SYNJ2: variants seen among roughly 807,000 people sequenced by gnomAD.
SYNJ2 encodes polyphosphatidylinositol phosphatase SYNJ2.
A neutral mutation model predicts 141.3 loss-of-function variants in SYNJ2; 116 were observed. That is an observed-to-expected ratio of 0.82 (90% CI 0.71 to 0.96). The LOEUF (loss-of-function observed/expected upper bound fraction) is 0.96, where lower values mean the gene tolerates loss of function less well. Among genes scored for constraint, SYNJ2 ranks in the 40% least tolerant of loss-of-function variants. The probability of loss-of-function intolerance (pLI) is 0.00; values close to 1 mark genes in which losing one functional copy is unlikely to be tolerated. For synonymous variants in SYNJ2, 745 were observed against 777.7 expected, an observed-to-expected ratio of 0.96 and a Z score of 0.70; for missense variants, 1,873 against 1,934.8, an observed-to-expected ratio of 0.97 and a Z score of 0.60.
chr6:158,082,003 T>C (rs1338016493), intron 20 of SYNJ2, among the ~76,000 whole-genome samples: 1 of 152,124 alleles, frequency 6.6e-6, no homozygotes, highest in East Asian at 1.9e-4. Flanking sequence ...GAGTTTGGAT[T>C]CTTCACTCTG....
chr6:158,083,956 C>G lies in SYNJ2; in HGVS notation c.3035-45C>G, dbSNP rs371651219. ...CACTGATGGAAGACTGAGCCTTTCC[C>G]CCTCATTGTTTTCACCCGAATTGTG... is the stretch of plus-strand genomic sequence containing the variant. On this transcript the variant is annotated intron_variant, in intron 21 of 26. Transcript: ENST00000355585. 1.6e-5 allele frequency: 25 copies of G among 1,601,796 alleles called. No homozygotes were observed. The African/African-American group carries it at 3.1e-4, about 20-fold the overall frequency.
chr6:157,990,198 G>T (rs1777369194), intron 1 of SYNJ2, among the ~76,000 whole-genome samples: 1 of 152,248 alleles, frequency 6.6e-6, no homozygotes, highest in African/African-American at 2.4e-5. Flanking sequence ...CAGGCCGCAG[G>T]AGGTGGGATC....
intron 2 of SYNJ2, chr6:158,028,390 T>G (rs1583349624): frequency 4.2e-6 from 1 of 240,586 alleles, no homozygotes; most frequent in Non-Finnish European, 8.2e-6. Flanking sequence ...GTCCTGGGGG[T>G]CTGGAAGGGC....
intron 7 of SYNJ2, among the ~76,000 whole-genome samples, chr6:158,060,157 C>T (rs920817281): frequency 2.6e-5 from 4 of 152,202 alleles, no homozygotes; most frequent in African/African-American, 4.8e-5. Context: ...CCCTCTTCCT[C>T]GGGCTTTCAT....
At chr6:158,095,468 T>C (rs1783740643) in intron 26 of SYNJ2, 150 bp from the exon 27 acceptor site, 2 of 1,033,322 alleles carry the variant, frequency 1.9e-6, no homozygotes, top group Non-Finnish European at 2.7e-6. Flanking sequence ...CCTGGTCACA[T>C]TTCTGGCACC....
At chr6:157,993,005 T>C (rs1474662416) in intron 1 of SYNJ2, among the ~76,000 whole-genome samples, 1 of 152,066 alleles carries the variant, frequency 6.6e-6, no homozygotes, top group Non-Finnish European at 1.5e-5. Flanking sequence ...TTTTAGTTTT[T>C]TGAGGAACCT....
chr6:158,068,580 G>GC (rs1562378174), intron 12 of SYNJ2, 67 bp from the exon 13 acceptor site: 15 of 1,571,416 alleles, frequency 9.5e-6, no homozygotes, highest in Non-Finnish European at 1.2e-5. Context: ...GCACTGGGGA[G>GC]CCCCATGAAC....
intron 1 of SYNJ2, among the ~76,000 whole-genome samples, chr6:158,015,361 C>CA (rs1204238615): frequency 6.6e-6 from 1 of 152,214 alleles, no homozygotes; most frequent in Non-Finnish European, 1.5e-5. Flanking sequence ...TTCTTACCTC[C>CA]ATGATGATGT....
In SYNJ2 at chr6:158,070,142, G is replaced by A. The variant is rs940555886; in HGVS notation, c.1940+469G>A. The A allele has an allele frequency of 3.0e-6, 3 of 985,646 alleles. No homozygotes were observed. Among genetic ancestry groups the A allele is most frequent in the African/African-American group, 1.7e-5 (1 of 57,236 alleles). 61.1% of individuals were successfully genotyped at this position (985,646 alleles called of 1,614,324 possible). A position where few individuals can be genotyped will look rare whatever the true frequency, so the allele number is the denominator to read the frequency against. ...GCTTTGTGAGCATCAGAAAGGGGGC[G>A]AGCTTAGGGGCGGCATTCCTCTTGG... On this transcript the variant is annotated intron_variant, in intron 14 of 26. Coordinates refer to ENST00000355585, the MANE Select transcript of SYNJ2 (RefSeq NM_003898.4). This position sits in a 1 kb window ranked among gnomAD's most constrained non-coding sequence, Gnocchi z 4.0.
At chr6:158,077,120 T>A (rs1260696826) in intron 17 of SYNJ2, among the ~76,000 whole-genome samples, 1 of 152,044 alleles carries the variant, frequency 6.6e-6, no homozygotes, top group Admixed American at 6.6e-5. Flanking sequence ...CTCAGCCTCC[T>A]GAGTGCTGGG....
At chr6:158,063,243 C>T (rs955062727) in intron 8 of SYNJ2, among the ~76,000 whole-genome samples, 2 of 152,120 alleles carry the variant, frequency 1.3e-5, no homozygotes, top group Non-Finnish European at 2.9e-5. Flanking sequence ...ACCAGCTAAA[C>T]GTAAAACGAC....
At position 158,089,897 on chromosome 6, in the gene SYNJ2, A is replaced by G. The variant is rs1024305321; in HGVS notation, c.3515A>G (p.Asn1172Ser). Reference protein sequence around the residue: ...PYNVKQIKTTNAQEAEAAIRC... With the variant: ...PYNVKQIKTTSAQEAEAAIRC... ...AATGTCAAGCAGATCAAAACCACCA[A>G]TGCCCAGGAGGCAGAAGCAGCAATC... is the stretch of plus-strand genomic sequence containing the variant. The change falls in exon 25 of 27, where the codon AAT (asparagine) becomes AGT (serine). Residue 1172 changes from asparagine to serine, a missense_variant. Physicochemically the swap from Asn to Ser is conservative, Grantham distance 46. Transcript: ENST00000355585. 6.8e-6 allele frequency: 11 copies of G among 1,614,028 alleles called. No homozygotes were observed. The highest frequency in any genetic ancestry group is 1.1e-5 in the South Asian group (1 of 91,082).
chr6:158,070,904 T>C lies in SYNJ2; in HGVS notation c.1941-698T>C, dbSNP rs1781879748. On this transcript the variant is annotated intron_variant, in intron 14 of 26. Transcript: ENST00000355585. This position sits in a 1 kb window ranked among gnomAD's most constrained non-coding sequence, Gnocchi z 4.0. ...CTAGCTCTTAAAGTGCATTGATTGC[T>C]GGGCACGGTGTCTCACGCCTGTAAT... is the stretch of plus-strand genomic sequence containing the variant. Among the ~76,000 whole-genome samples the C allele has an allele frequency of 6.6e-6, 1 of 152,174 alleles. No homozygotes were observed. Among genetic ancestry groups the C allele is most frequent in the Non-Finnish European group, 1.5e-5 (1 of 68,012 alleles).
At chr6:158,017,952 C>T (rs907955771) in intron 2 of SYNJ2, among the ~76,000 whole-genome samples, 1 of 152,106 alleles carries the variant, frequency 6.6e-6, no homozygotes, top group African/African-American at 2.4e-5. Flanking sequence ...GGGCATTGTC[C>T]GCAGTACTCT....
intron 2 of SYNJ2, 114 bp downstream of exon 2, chr6:158,017,404 T>TA: frequency 6.0e-5 from 57 of 945,922 alleles, no homozygotes; most frequent in Non-Finnish European, 7.3e-5. Context: ...CTCTCTCTCT[T>TA]CTTTTTTTTT....
At chr6:158,003,034 C>A (rs1777918868) in intron 1 of SYNJ2, among the ~76,000 whole-genome samples, 3 of 152,216 alleles carry the variant, frequency 2.0e-5, no homozygotes, top group Admixed American at 2.0e-4. Context: ...GTGGAAAGTG[C>A]TGGGAAAGGG....
chr6:157,984,198 A>T (rs1305190875), intron 1 of SYNJ2, among the ~76,000 whole-genome samples: 2 of 152,244 alleles, frequency 1.3e-5, no homozygotes, highest in Non-Finnish European at 2.9e-5. Flanking sequence ...ATTTTTAAAA[A>T]GCAGCTGTAG....
rs58356198 is a variant in SYNJ2, at chr6:158,090,542, G to GTTTTTT, written c.3565+610_3565+615dup. Among the ~76,000 whole-genome samples the GTTTTTT allele has an allele frequency of 1.9e-4, 22 of 113,928 alleles. 1 individual carries two copies. The highest frequency in any genetic ancestry group is 3.0e-4 in the South Asian group (1 of 3,382). 74.7% of individuals were successfully genotyped at this position (113,928 alleles called of 152,430 possible). A position where few individuals can be genotyped will look rare whatever the true frequency, so the allele number is the denominator to read the frequency against. ...TGCCCTTTTCTTCGTTTTTTTTTTT[G>GTTTTTT]TTTTTTTTTTTTTTTTTTTTGAGAC... is the stretch of plus-strand genomic sequence containing the variant. On this transcript the variant is annotated intron_variant, in intron 25 of 26. Transcript: ENST00000355585.
intron 16 of SYNJ2, 148 bp downstream of exon 16, chr6:158,074,886 A>G (rs1179307533): frequency 1.1e-6 from 1 of 950,460 alleles, no homozygotes; most frequent in Non-Finnish European, 1.5e-6. Flanking sequence ...TTGTGAGGTT[A>G]CAGTACAGGA....
Sources: allele counts gnomAD v4.1 joint callset (sites outside exome capture counted in the v4.1 genomes callset), GRCh38; gene constraint gnomAD v4.1.1; non-coding constraint Gnocchi (gnomAD v3.1); transcripts MANE v1.5; gene names NCBI Gene and HGNC (gene_info 2026-07-23, HGNC 2026-07-21).